Variants in PNMA6E observed in about 807,000 individuals in gnomAD.
The protein encoded by PNMA6E is PNMA family member 6E.
For missense variants in PNMA6E, 78 were observed against 50.8 expected (o/e 1.53, Z -1.63); for synonymous variants, 43 against 17.1 (o/e 2.52, Z -3.74).
upstream of PNMA6E, among the ~76,000 whole-genome samples, chrX:153,401,834 A>ATTTTT (rs781957165): frequency 3.0e-4 from 21 of 69,624 alleles, no homozygotes; most frequent in Admixed American, 9.4e-4. Flanking sequence ...GCCAGGCTGG[A>ATTTTT]TTTTTTTTTT....
At chrX:153,413,581 C>T in the PNMA6E span, among the ~76,000 whole-genome samples, 6 of 109,840 alleles carry the variant, frequency 5.5e-5, no homozygotes, top group Non-Finnish European at 1.1e-4. Flanking sequence ...CACCTGTGTG[C>T]CCGATGCTGT....
rs182471880 is a variant in PNMA6E, at chrX:153,396,706, G to A, written c.*200C>T. The A allele has an allele frequency of 1.7e-3, 465 of 275,116 alleles. 1 individual carries two copies. Among genetic ancestry groups the A allele is most frequent in the African/African-American group, 0.012 (423 of 36,087 alleles). 22.7% of individuals were successfully genotyped at this position (275,116 alleles called of 1,213,427 possible). ...GCTGGGTGCAAGGGAGCGGGGGGGC[G>A]CCTCTCCCCACCCCATTTTGTATCA... On this transcript the variant is annotated 3_prime_UTR_variant, in exon 2 of 2. Coordinates refer to ENST00000445091, the MANE Select transcript of PNMA6E (RefSeq NM_001367770.1).
the PNMA6E span, among the ~76,000 whole-genome samples, chrX:153,410,064 G>C: frequency 8.9e-6 from 1 of 111,745 alleles, no homozygotes; most frequent in Admixed American, 9.4e-5. Context: ...TCTGGAGGCC[G>C]GAGTCCAGAA....
upstream of PNMA6E, among the ~76,000 whole-genome samples, chrX:153,406,358 G>C (rs782130018): frequency 8.9e-6 from 1 of 112,554 alleles, no homozygotes; most frequent in East Asian, 2.8e-4. Context: ...GTGGGTAGTG[G>C]GTGTATCTGA....
At position 153,401,333 on chromosome X, in the gene PNMA6E, CG is replaced by C. The variant is rs1390556517; in HGVS notation, c.-162del. 7 of 112,096 alleles carry C rather than the reference CG, an allele frequency of 6.2e-5. No homozygotes were observed. Among genetic ancestry groups the C allele is most frequent in the Non-Finnish European group, 1.3e-4 (7 of 53,166 alleles). The allele number at this position is 112,096 out of a possible 1,213,427, so 9.2% of individuals were successfully genotyped here. ...GGGTCTGAAGAGATCACCTCAGCTC[CG>C]CAGCGTGGAAGCGTGTGGCTCTCTG... is the stretch of plus-strand genomic sequence containing the variant. On this transcript the variant is annotated 5_prime_UTR_variant, in exon 1 of 2. Transcript: ENST00000445091.
the PNMA6E span, among the ~76,000 whole-genome samples, chrX:153,409,009 C>A: frequency 0.36 from 40,496 of 111,975 alleles, 5,709 homozygotes; most frequent in Non-Finnish European, 0.46. Context: ...GGCCCCTGGG[C>A]ACCTGCTGTG....
chrX:153,396,548 G>C lies in PNMA6E; in HGVS notation c.*358C>G, dbSNP rs1556970334. On this transcript the variant is annotated 3_prime_UTR_variant, in exon 2 of 2. Transcript: ENST00000445091. ...ACCTTGAGAGGGCCTCTTTCCCCCT[G>C]TCTCTCCCAACTCACGGCCTGGGTT... is the stretch of plus-strand genomic sequence containing the variant. 8.2e-6 allele frequency: 1 copy of C among 121,335 alleles called. No homozygotes were observed. The highest frequency in any genetic ancestry group is 3.2e-5 in the African/African-American group (1 of 31,348). 10.0% of individuals were successfully genotyped at this position (121,335 alleles called of 1,213,427 possible). A position where few individuals can be genotyped will look rare whatever the true frequency, so the allele number is the denominator to read the frequency against.
At position 153,396,698 on chromosome X, in the gene PNMA6E, G is replaced by A. The variant is rs558734814; in HGVS notation, c.*208C>T. The A allele has an allele frequency of 6.8e-5, 18 of 264,363 alleles. No homozygotes were observed. The highest frequency in any genetic ancestry group is 1.0e-3 in the Middle Eastern group (1 of 955). The allele number at this position is 264,363 out of a possible 1,213,427, so 21.8% of individuals were successfully genotyped here. Reference sequence around the variant, plus strand: ...CTGGGTGTGCTGGGTGCAAGGGAGCGGGGGGGCGCCTCTCCCCACCCCATT... The same window carrying A: ...CTGGGTGTGCTGGGTGCAAGGGAGCAGGGGGGCGCCTCTCCCCACCCCATT... On this transcript the variant is annotated 3_prime_UTR_variant, in exon 2 of 2. Coordinates refer to ENST00000445091, the MANE Select transcript of PNMA6E (RefSeq NM_001367770.1).
the PNMA6E span, among the ~76,000 whole-genome samples, chrX:153,408,120 G>A: frequency 8.9e-6 from 1 of 112,901 alleles, no homozygotes; most frequent in South Asian, 3.6e-4. Context: ...GGGAGAGTCA[G>A]TGAAGGGAGA....
the PNMA6E span, among the ~76,000 whole-genome samples, chrX:153,409,527 G>A: frequency 8.8e-6 from 1 of 113,057 alleles, no homozygotes; most frequent in South Asian, 3.6e-4. Flanking sequence ...AAAACATGCT[G>A]GAAGGGAGAT....
rs1156485295 is a variant in PNMA6E, at chrX:153,396,909, T to C, written c.1941A>G (p.Lys647=). The part of the protein sequence containing the change: ...DEGQPKSSQG[K] ...GAGGCCCCGGGGCCCTAGGAGCCTATTTGCCCTGGGAGGACTTGGGCTGGC... is the reference window on the plus strand; with the variant it reads ...GAGGCCCCGGGGCCCTAGGAGCCTACTTGCCCTGGGAGGACTTGGGCTGGC... Residue 647 remains lysine (K), a synonymous_variant, in exon 2 of 2, where the codon AAA becomes AAG. Coordinates refer to ENST00000445091, the MANE Select transcript of PNMA6E (RefSeq NM_001367770.1). 3 of 296,274 alleles carry C rather than the reference T, an allele frequency of 1.0e-5. No individual in the cohort carries two copies. Among genetic ancestry groups the C allele is most frequent in the Non-Finnish European group, 1.8e-5 (3 of 169,979 alleles). The allele number at this position is 296,274 out of a possible 1,213,427, so 24.4% of individuals were successfully genotyped here.
chrX:153,408,444 G>A, the PNMA6E span, among the ~76,000 whole-genome samples: 16 of 112,500 alleles, frequency 1.4e-4, no homozygotes, highest in African/African-American at 5.2e-4. Flanking sequence ...CTCAGGGGTC[G>A]CAGGGTTGGA....
chrX:153,413,437 G>A, the PNMA6E span, among the ~76,000 whole-genome samples: 1 of 107,883 alleles, frequency 9.3e-6, no homozygotes, highest in Admixed American at 1.0e-4. Context: ...GCTAAGGTCC[G>A]CAAGCAGGGG....
chrX:153,403,216 A>T (rs1215558838), upstream of PNMA6E, among the ~76,000 whole-genome samples: 2 of 111,379 alleles, frequency 1.8e-5, no homozygotes, highest in African/African-American at 3.3e-5. Context: ...CGCCCTTTTC[A>T]TTTTTTCCTC....
chrX:153,397,384 C>T lies in PNMA6E; in HGVS notation c.1466G>A (p.Arg489Gln), dbSNP rs1207829156. ...PGFLGLLRLI[R>Q]EMEAWAAFPA... ...GAAGGCTGCCCATGCCTCCATCTCC[C>T]GGATGAGCCGGAGCAGCCCCAGGAA... Residue 489 changes from arginine (R) to glutamine (Q), a missense_variant, in exon 2 of 2, where the codon CGG (arginine) becomes CAG (glutamine). Arg to Gln is a conservative substitution (Grantham distance 43, BLOSUM62 1). Coordinates refer to ENST00000445091, the MANE Select transcript of PNMA6E (RefSeq NM_001367770.1). 2 of 297,264 alleles carry T rather than the reference C, an allele frequency of 6.7e-6. No homozygotes were observed. The highest frequency in any genetic ancestry group is 6.0e-5 in the Admixed American group (1 of 16,529). The allele number at this position is 297,264 out of a possible 1,213,427, so 24.5% of individuals were successfully genotyped here. A position where few individuals can be genotyped will look rare whatever the true frequency, so the allele number is the denominator to read the frequency against.
the PNMA6E span, among the ~76,000 whole-genome samples, chrX:153,408,945 C>T: frequency 8.0e-5 from 9 of 112,565 alleles, no homozygotes; most frequent in Non-Finnish European, 1.1e-4. Context: ...CCTTCCCCAA[C>T]TTGCTCACTC....
chrX:153,410,104 T>C, the PNMA6E span, among the ~76,000 whole-genome samples: 937 of 109,930 alleles, frequency 8.5e-3, 8 homozygotes, highest in African/African-American at 0.03. Flanking sequence ...GCTCTGGGGG[T>C]GGATCCACCC....
upstream of PNMA6E, among the ~76,000 whole-genome samples, chrX:153,402,198 C>T (rs2088856924): frequency 8.9e-6 from 1 of 111,788 alleles, no homozygotes; most frequent in Non-Finnish European, 1.9e-5. Context: ...CGATTTCTGT[C>T]TTTATTCTGT....
Position 153,397,702 on chromosome X carries a change from G to C in PNMA6E, c.1148C>G (p.Thr383Ser), listed in dbSNP as rs1033505513. 1 of 305,129 alleles carries C rather than the reference G, an allele frequency of 3.3e-6. No individual in the cohort carries two copies. Among genetic ancestry groups the C allele is most frequent in the African/African-American group, 2.7e-5 (1 of 37,307 alleles). 25.1% of individuals were successfully genotyped at this position (305,129 alleles called of 1,213,427 possible). Residue 383 changes from threonine to serine, a missense_variant, in exon 2 of 2, where the codon ACC (threonine) becomes AGC (serine). By Grantham distance (58) the Thr-to-Ser change is moderately conservative. Transcript: ENST00000445091. ...EVVSGLLEED[T>S]NLSALDCLAA... ...CAGGCAGTCCAGCGCGGACAAGTTGGTATCTTCCTCCAGGAGGCCGCTCAC... is the reference window on the plus strand; with the variant it reads ...CAGGCAGTCCAGCGCGGACAAGTTGCTATCTTCCTCCAGGAGGCCGCTCAC...
Sources: gnomAD v4.1 joint callset for allele counts (sites outside exome capture counted in the v4.1 genomes callset) on GRCh38, gnomAD v4.1.1 for gene constraint, MANE v1.5 for transcripts, NCBI Gene and HGNC (gene_info 2026-07-23, HGNC 2026-07-21) for gene names.